The following CCDC192 variants were observed in gnomAD, a reference collection of about 807,000 sequenced individuals.
The protein encoded by CCDC192 is coiled-coil domain-containing protein 192.
chr5:127,882,417 C>A (rs1413844067), intron 6 of CCDC192, among the ~76,000 whole-genome samples: 1 of 152,128 alleles, frequency 6.6e-6, no homozygotes, highest in Admixed American at 6.6e-5. Flanking sequence ...TTGCAATATT[C>A]TTTTTACCTC....
intron 5 of CCDC192, among the ~76,000 whole-genome samples, chr5:127,871,595 A>T (rs925895272): frequency 6.6e-6 from 1 of 152,230 alleles, no homozygotes; most frequent in Non-Finnish European, 1.5e-5. Context: ...TATGACATGA[A>T]TCTAAGGCTT....
intron 1 of CCDC192, among the ~76,000 whole-genome samples, chr5:127,706,751 T>C (rs191859950): frequency 1.0e-3 from 155 of 152,142 alleles, no homozygotes; most frequent in African/African-American, 3.5e-3. Flanking sequence ...ACACAAAAAA[T>C]ATAATCAATA....
At chr5:127,902,318 A>C (rs896348554) in intron 6 of CCDC192, among the ~76,000 whole-genome samples, 1 of 151,688 alleles carries the variant, frequency 6.6e-6, no homozygotes, top group Non-Finnish European at 1.5e-5. Flanking sequence ...GAACCACATA[A>C]TCTAGGCAGA....
At chr5:127,734,254 A>T (rs1483898999) in intron 2 of CCDC192, among the ~76,000 whole-genome samples, 2 of 151,156 alleles carry the variant, frequency 1.3e-5, no homozygotes, top group African/African-American at 2.4e-5. Flanking sequence ...AAGGACATGA[A>T]CTCATCACTT....
At chr5:127,800,869 A>G (rs550673321) in intron 5 of CCDC192, among the ~76,000 whole-genome samples, 4 of 152,208 alleles carry the variant, frequency 2.6e-5, no homozygotes, top group South Asian at 2.1e-4. Context: ...CATGTCTTCT[A>G]TTCCATTATA....
chr5:127,852,983 A>T (rs1455976380), intron 5 of CCDC192, among the ~76,000 whole-genome samples: 1 of 152,076 alleles, frequency 6.6e-6, no homozygotes, highest in African/African-American at 2.4e-5. Flanking sequence ...CCAGCTACTC[A>T]GGAGGCTGAG....
At chr5:127,864,167 G>A (rs1427800054) in intron 5 of CCDC192, among the ~76,000 whole-genome samples, 1 of 152,180 alleles carries the variant, frequency 6.6e-6, no homozygotes, top group Non-Finnish European at 1.5e-5. Context: ...ACTCACTTGA[G>A]TTTTCTGGGT....
At chr5:127,721,025 AGG>A (rs1028319626) in intron 2 of CCDC192, among the ~76,000 whole-genome samples, 11 of 152,214 alleles carry the variant, frequency 7.2e-5, no homozygotes, top group African/African-American at 2.7e-4. Flanking sequence ...AATGTCTTCG[AGG>A]TCTTTCCCCA....
intron 6 of CCDC192, among the ~76,000 whole-genome samples, chr5:127,895,084 G>T (rs928864145): frequency 2.6e-5 from 4 of 152,136 alleles, no homozygotes; most frequent in Non-Finnish European, 5.9e-5. Flanking sequence ...TTGCTGCACA[G>T]ATCATTCCAT....
intron 2 of CCDC192, among the ~76,000 whole-genome samples, chr5:127,710,181 G>A (rs1751241306): frequency 6.6e-6 from 1 of 152,136 alleles, no homozygotes; most frequent in Admixed American, 6.5e-5. Context: ...AGGGAGTTGG[G>A]ATTAGAGACT....
rs199898800 is a variant in CCDC192 at position 127,769,809 on chromosome 5, T to C, written c.222+15434T>C. Among the ~76,000 whole-genome samples, 21 of 152,298 alleles carry C rather than the reference T, an allele frequency of 1.4e-4. No individual in the cohort carries two copies. The South Asian group carries it at 1.9e-3, about 14-fold the overall frequency. On this transcript the variant is annotated intron_variant, in intron 3 of 6. Coordinates refer to ENST00000514853, the MANE Select transcript of CCDC192 (RefSeq NM_001317938.2). Reference sequence around the variant, plus strand: ...GAAACCTTGACAAGTTCCATTTCAATAACGTAGTCGAGGGCAGAAGCCAGA... The same window carrying C: ...GAAACCTTGACAAGTTCCATTTCAACAACGTAGTCGAGGGCAGAAGCCAGA...
intron 6 of CCDC192, among the ~76,000 whole-genome samples, chr5:127,895,290 C>T (rs766766808): frequency 2.4e-4 from 36 of 152,088 alleles, no homozygotes; most frequent in African/African-American, 3.6e-4. Context: ...TTACACAGGC[C>T]GATTCTGCTT....
At chr5:127,904,641 A>G (rs1177459193) in intron 6 of CCDC192, among the ~76,000 whole-genome samples, 3 of 151,478 alleles carry the variant, frequency 2.0e-5, no homozygotes, top group African/African-American at 7.3e-5. Context: ...AGCCGGGATT[A>G]CTGGCGCTTG....
chr5:127,721,109 G>A (rs907988727), intron 2 of CCDC192, among the ~76,000 whole-genome samples: 34 of 152,210 alleles, frequency 2.2e-4, no homozygotes, highest in African/African-American at 7.2e-4. Context: ...ATTTCTCCCC[G>A]GAAAACGGGT....
At chr5:127,705,046 T>G (rs936605181) in intron 1 of CCDC192, among the ~76,000 whole-genome samples, 1 of 152,152 alleles carries the variant, frequency 6.6e-6, no homozygotes, top group African/African-American at 2.4e-5. Context: ...TCCCTGCCAA[T>G]AGAAATTTAA....
intron 6 of CCDC192, among the ~76,000 whole-genome samples, chr5:127,912,442 G>GAAAAAAAAAAAAAAAAAAAA (rs1554085385): frequency 3.7e-5 from 2 of 53,834 alleles, no homozygotes; most frequent in African/African-American, 1.8e-4. Flanking sequence ...AAAAAAAAAT[G>GAAAAAAAAAAAAAAAAAAAA]AAGCTGTACT....
At chr5:127,736,266 C>G (rs1408849048) in intron 2 of CCDC192, among the ~76,000 whole-genome samples, 6 of 133,164 alleles carry the variant, frequency 4.5e-5, no homozygotes, top group Non-Finnish European at 9.5e-5. Context: ...GCCTTGCATC[C>G]CAGGGATGAA....
At chr5:127,749,551 C>G (rs1049940078) in intron 2 of CCDC192, among the ~76,000 whole-genome samples, 36 of 151,886 alleles carry the variant, frequency 2.4e-4, no homozygotes, top group African/African-American at 8.5e-4. Flanking sequence ...CAATGTTCAT[C>G]AAGGATATTG....
chr5:127,867,448 G>C (rs1751660390), intron 5 of CCDC192, among the ~76,000 whole-genome samples: 2 of 152,160 alleles, frequency 1.3e-5, no homozygotes, highest in African/African-American at 2.4e-5. Flanking sequence ...ATCCTCTCTG[G>C]TTTCTGTGCT....
Sources: allele counts gnomAD v4.1 joint callset (sites outside exome capture counted in the v4.1 genomes callset), GRCh38; gene constraint gnomAD v4.1.1; transcripts MANE v1.5; gene names NCBI Gene and HGNC (gene_info 2026-07-23, HGNC 2026-07-21).